Variants in SUCLG2 observed in about 807,000 individuals in gnomAD.
SUCLG2 encodes succinate--CoA ligase [GDP-forming] subunit beta, mitochondrial.
Under a neutral mutation model 47.9 loss-of-function variants are expected in SUCLG2, and 42 were observed. That is an observed-to-expected ratio of 0.88 (90% CI 0.69 to 1.14). The LOEUF (loss-of-function observed/expected upper bound fraction) is 1.14, where lower values mean the gene tolerates loss of function less well. Ranked by LOEUF, SUCLG2 falls within the 50% of genes most tolerant of loss-of-function variation. The pLI is 0.00. For missense variants in SUCLG2, 571 were observed against 525.9 expected (o/e 1.09, Z -0.84); for synonymous variants, 195 against 197.3 (o/e 0.99, Z 0.10).
intron 5 of SUCLG2, among the ~76,000 whole-genome samples, chr3:67,519,921 A>G (rs1706048886): frequency 6.6e-6 from 1 of 152,196 alleles, no homozygotes; most frequent in East Asian, 1.9e-4. Flanking sequence ...TGCTCTGATT[A>G]AATTTGACCT....
rs1173651517 is a variant in SUCLG2, at chr3:67,549,161, T to G, written c.227-19975A>C. ...CCACGCTTGCCCAAGTATTTCTGTG[T>G]GGCTCTTCCATTTTCAACAAGGGAT... On this transcript the variant is annotated intron_variant, in intron 2 of 10. Coordinates refer to ENST00000307227, the MANE Select transcript of SUCLG2 (RefSeq NM_003848.4). 2.6e-5 allele frequency among the ~76,000 whole-genome samples: 4 copies of G among 152,336 alleles called. No individual in the cohort carries two copies. In the East Asian group the frequency reaches 7.7e-4, roughly 29 times the overall value.
intron 1 of SUCLG2, among the ~76,000 whole-genome samples, chr3:67,610,746 C>G (rs993086417): frequency 2.0e-5 from 3 of 152,204 alleles, no homozygotes; most frequent in Non-Finnish European, 4.4e-5. Context: ...CAGTGTCACA[C>G]AGATCATAAA....
chr3:67,397,825 T>C (rs945758299), intron 10 of SUCLG2, among the ~76,000 whole-genome samples: 8 of 151,996 alleles, frequency 5.3e-5, no homozygotes, highest in African/African-American at 1.9e-4. Flanking sequence ...AACAGAGATA[T>C]AGATCAATGC....
chr3:67,475,032 C>T (rs1704712951), intron 9 of SUCLG2, among the ~76,000 whole-genome samples: 1 of 151,170 alleles, frequency 6.6e-6, no homozygotes, highest in African/African-American at 2.4e-5. Context: ...AAAAATCATG[C>T]TTCCCAGAAA....
At chr3:67,556,087 CT>C (rs1163445342) in intron 2 of SUCLG2, among the ~76,000 whole-genome samples, 3 of 152,182 alleles carry the variant, frequency 2.0e-5, no homozygotes, top group East Asian at 1.9e-4. Context: ...AAAGACCTGA[CT>C]TTTTTTTAAA....
chr3:67,511,848 T>G (rs1559553218), intron 6 of SUCLG2, among the ~76,000 whole-genome samples: 2 of 150,830 alleles, frequency 1.3e-5, no homozygotes. Context: ...TGTGCGTGTG[T>G]GGGGGGGTGT....
chr3:67,558,158 G>C (rs1405918953), intron 2 of SUCLG2, among the ~76,000 whole-genome samples: 1 of 152,004 alleles, frequency 6.6e-6, no homozygotes, highest in African/African-American at 2.4e-5. Context: ...CTGAGTGTGA[G>C]GACACCCCAC....
chr3:67,437,909 T>C (rs1292581273), intron 9 of SUCLG2, among the ~76,000 whole-genome samples: 1 of 152,188 alleles, frequency 6.6e-6, no homozygotes, highest in Non-Finnish European at 1.5e-5. Flanking sequence ...CCATCTTTAA[T>C]ACTCCCTTCA....
chr3:67,471,665 A>C (rs867334226), intron 9 of SUCLG2, among the ~76,000 whole-genome samples: 3 of 152,094 alleles, frequency 2.0e-5, no homozygotes, highest in South Asian at 2.1e-4. Flanking sequence ...AAGAAGAAGA[A>C]GGCGGCAAAT....
intron 1 of SUCLG2, among the ~76,000 whole-genome samples, chr3:67,626,652 C>T (rs1313549254): frequency 6.6e-6 from 1 of 152,128 alleles, no homozygotes; most frequent in Non-Finnish European, 1.5e-5. Flanking sequence ...CAGTTGCTCA[C>T]GCCTGTAATC....
intron 9 of SUCLG2, among the ~76,000 whole-genome samples, chr3:67,482,651 T>A (rs2107020385): frequency 6.6e-6 from 1 of 152,260 alleles, no homozygotes; most frequent in African/African-American, 2.4e-5. Context: ...ACAGAAAATA[T>A]CAGAAATCAT....
intron 2 of SUCLG2, among the ~76,000 whole-genome samples, chr3:67,588,863 G>A (rs1253131526): frequency 2.6e-5 from 4 of 152,320 alleles, no homozygotes; most frequent in Non-Finnish European, 2.9e-5. Flanking sequence ...ATTTGGACAG[G>A]CTACTTTGGG....
At chr3:67,387,602 CTT>C (rs1371077582) in intron 10 of SUCLG2, among the ~76,000 whole-genome samples, 1 of 152,128 alleles carries the variant, frequency 6.6e-6, no homozygotes, top group Non-Finnish European at 1.5e-5. Context: ...AGGAGTGCAT[CTT>C]TTATTTTCAT....
At chr3:67,562,462 G>C (rs989702134) in intron 2 of SUCLG2, among the ~76,000 whole-genome samples, 2 of 152,116 alleles carry the variant, frequency 1.3e-5, no homozygotes, top group Non-Finnish European at 2.9e-5. Flanking sequence ...ATTTTTAGTA[G>C]AGACAGGGTT....
intron 1 of SUCLG2, among the ~76,000 whole-genome samples, chr3:67,626,814 T>C (rs1363620130): frequency 6.9e-6 from 1 of 144,656 alleles, no homozygotes; most frequent in Non-Finnish European, 1.5e-5. Flanking sequence ...CATGGGAGGC[T>C]GAGGCAGAAG....
intron 9 of SUCLG2, among the ~76,000 whole-genome samples, chr3:67,405,600 C>G (rs1252194485): frequency 6.6e-6 from 1 of 152,140 alleles, no homozygotes; most frequent in African/African-American, 2.4e-5. Context: ...AAGTGGTAAC[C>G]TACAGCATAT....
intron 10 of SUCLG2, among the ~76,000 whole-genome samples, chr3:67,395,092 G>T (rs1434632239): frequency 6.6e-6 from 1 of 151,904 alleles, no homozygotes; most frequent in East Asian, 1.9e-4. Flanking sequence ...AGACCATCGA[G>T]ACTAGGAAGA....
intron 10 of SUCLG2, 123 bp downstream of exon 10, chr3:67,400,608 G>T (rs1280240019): frequency 7.2e-7 from 1 of 1,392,246 alleles, no homozygotes; most frequent in East Asian, 2.4e-5. Flanking sequence ...TACTGTGTTT[G>T]TTTCATCTTA....
At chr3:67,595,880 AGG>A (rs1201285170) in intron 2 of SUCLG2, among the ~76,000 whole-genome samples, 2 of 152,246 alleles carry the variant, frequency 1.3e-5, no homozygotes, top group Non-Finnish European at 1.5e-5. Context: ...TGAAAGTCTA[AGG>A]TTTTGTTGAA....
Sources: gnomAD v4.1 joint callset for allele counts (sites outside exome capture counted in the v4.1 genomes callset) on GRCh38, gnomAD v4.1.1 for gene constraint, MANE v1.5 for transcripts, NCBI Gene and HGNC (gene_info 2026-07-23, HGNC 2026-07-21) for gene names.